Variants in WLS observed in about 807,000 individuals in gnomAD.
The protein encoded by WLS is protein wntless homolog.
Under a neutral mutation model 62.8 loss-of-function variants are expected in WLS, and 23 were observed. The observed-to-expected ratio is 0.37, with a 90% CI of 0.26 to 0.52. The LOEUF is 0.52. Among genes scored for constraint, WLS ranks in the 20% least tolerant of loss-of-function variants. The probability of loss-of-function intolerance (pLI) is 0.92; values close to 1 mark genes in which losing one functional copy is unlikely to be tolerated. For missense variants in WLS, 615 were observed against 697.3 expected, an observed-to-expected ratio of 0.88 and a Z score of 1.33; for synonymous variants, 246 against 244.1, an observed-to-expected ratio of 1.01 and a Z score of -0.07.
At chr1:68,120,937 T>G (rs12046920), downstream of WLS, among the ~76,000 whole-genome samples, 38,355 of 152,164 alleles carry the variant, frequency 0.25, 4,965 homozygotes, top group East Asian at 0.39. Flanking sequence ...ACCTAACTGG[T>G]GTATGGGAAA....
intron 11 of WLS, among the ~76,000 whole-genome samples, chr1:68,120,035 TAAATG>T (rs59431837): frequency 0.084 from 12,801 of 152,142 alleles, 859 homozygotes; most frequent in East Asian, 0.36. Context: ...GTCCAGATGA[TAAATG>T]AAATTAATAA....
intron 1 of WLS, among the ~76,000 whole-genome samples, chr1:68,196,564 T>C (rs544458610): frequency 8.2e-4 from 124 of 152,108 alleles, no homozygotes; most frequent in Non-Finnish European, 1.4e-3. Flanking sequence ...CTACTTCTAA[T>C]GTTCGAATCC....
chr1:68,098,649 C>T lies in WLS; in HGVS notation c.1615G>A (p.Ala539Thr), dbSNP rs771522633. The change falls in exon 12 of 12, where the codon GCA (alanine) becomes ACA (threonine). Residue 539 changes from alanine (A) to threonine (T), a missense_variant. Transcript: ENST00000354777. ...TTGTTGACTCAAATACCAGAAGCTG[C>T]GTTGTCATTGATGAAGGAATATTTC... is the stretch of plus-strand genomic sequence containing the variant. The T allele has an allele frequency of 1.5e-5, 24 of 1,613,648 alleles. No homozygotes were observed. The Middle Eastern group carries it at 6.6e-4, about 44-fold the overall frequency.
intron 1 of WLS, among the ~76,000 whole-genome samples, chr1:68,220,312 TAAAC>T (rs1361775609): frequency 1.3e-5 from 2 of 152,170 alleles, no homozygotes; most frequent in Non-Finnish European, 2.9e-5. Flanking sequence ...GACTCCAGAA[TAAAC>T]AAACAAACAG....
intron 1 of WLS, among the ~76,000 whole-genome samples, chr1:68,226,781 A>G (rs140589466): frequency 7.9e-5 from 12 of 152,354 alleles, no homozygotes; most frequent in Admixed American, 2.6e-4. Flanking sequence ...GGCAAGTAGC[A>G]CACAGGAGTT....
intron 10 of WLS, among the ~76,000 whole-genome samples, chr1:68,139,584 C>T (rs1282158721): frequency 6.6e-6 from 1 of 152,154 alleles, no homozygotes; most frequent in South Asian, 2.1e-4. Context: ...AGGCAGTGGA[C>T]CCTTCAGCTC....
chr1:68,191,141 G>T (rs1476719639), intron 2 of WLS, among the ~76,000 whole-genome samples: 1 of 151,926 alleles, frequency 6.6e-6, no homozygotes, highest in East Asian at 1.9e-4. Context: ...AATACAGTCA[G>T]TAGACAGTAA....
Position 68,162,971 on chromosome 1 carries a change from G to A in WLS, c.380-3724C>T, listed in dbSNP as rs796458895. On this transcript the variant is annotated intron_variant, in intron 2 of 11. Transcript: ENST00000262348. The stretch of plus-strand genomic sequence containing the variant: ...GCATCTCCACAGTGCAGTCGCGGCC[G>A]TCCAGCAGCGCCACCAGGGGGCAGG... 16 of 1,594,040 alleles carry A rather than the reference G, an allele frequency of 1.0e-5. No individual in the cohort carries two copies. The African/African-American group carries it at 1.9e-4, about 19-fold the overall frequency.
downstream of WLS, among the ~76,000 whole-genome samples, chr1:68,124,952 C>T (rs1272592138): frequency 6.6e-6 from 1 of 152,202 alleles, no homozygotes; most frequent in African/African-American, 2.4e-5. Flanking sequence ...ACTGTGACCC[C>T]AGTAAGCAGT....
intron 1 of WLS, among the ~76,000 whole-genome samples, chr1:68,195,730 T>G (rs1231275352): frequency 6.6e-6 from 1 of 152,216 alleles, no homozygotes; most frequent in Non-Finnish European, 1.5e-5. Context: ...CCCCCATGCT[T>G]TTGTGTTTAG....
chr1:68,107,836 CAG>C (rs1353816756), intron 11 of WLS, among the ~76,000 whole-genome samples: 2 of 152,058 alleles, frequency 1.3e-5, no homozygotes, highest in Non-Finnish European at 2.9e-5. Flanking sequence ...AGCGGCAGCA[CAG>C]AGATTCAGAC....
intron 3 of WLS, among the ~76,000 whole-genome samples, 167 bp from the exon 4 acceptor site, chr1:68,155,427 C>T (rs1646883202): frequency 6.6e-6 from 1 of 152,148 alleles, no homozygotes; most frequent in Non-Finnish European, 1.5e-5. Context: ...GTCTACCCAG[C>T]TATCCCAACC....
At chr1:68,144,721 TA>T (rs1357209555) in intron 9 of WLS, 69 bp from the exon 10 acceptor site, 3 of 1,279,264 alleles carry the variant, frequency 2.3e-6, no homozygotes, top group Non-Finnish European at 3.3e-6. Context: ...TGTAAATCTA[TA>T]AAAAGCTTAA....
In WLS at chr1:68,157,432, T is replaced by C. The variant is rs1646914620; in HGVS notation, c.504+1691A>G. On this transcript the variant is annotated intron_variant, in intron 3 of 11. Transcript: ENST00000262348. ...TTCGTTGTATCCTGTTAGAGACTTT[T>C]CTTCATGCACTAAAGTCCTGCCTCT... Among the ~76,000 whole-genome samples the C allele has an allele frequency of 2.0e-5, 3 of 152,332 alleles. 1 individual carries two copies. Among genetic ancestry groups the C allele is most frequent in the Non-Finnish European group, 4.4e-5 (3 of 68,036 alleles).
downstream of WLS, among the ~76,000 whole-genome samples, chr1:68,120,438 A>G (rs766947427): frequency 3.9e-5 from 6 of 152,212 alleles, no homozygotes; most frequent in Non-Finnish European, 8.8e-5. Flanking sequence ...GGTTCTAGTG[A>G]GAGTTGCAGC....
intron 11 of WLS, among the ~76,000 whole-genome samples, chr1:68,134,949 GC>G (rs1646583851): frequency 6.6e-6 from 1 of 152,204 alleles, no homozygotes; most frequent in Admixed American, 6.5e-5. Context: ...TCCTGCCTCT[GC>G]AGGGTTGGCC....
chr1:68,110,460 ATAT>A (rs34936366), intron 11 of WLS, among the ~76,000 whole-genome samples: 70,231 of 151,306 alleles, frequency 0.46, 16,499 homozygotes, highest in Middle Eastern at 0.53. Context: ...TTTCAGTGAC[ATAT>A]TATTATTGCA....
At chr1:68,148,045 T>G in intron 8 of WLS, 91 bp downstream of exon 8, 1 of 1,337,148 alleles carries the variant, frequency 7.5e-7, no homozygotes, top group Non-Finnish European at 1.1e-6. Context: ...TGAGTACATA[T>G]GGGGAGCATC....
chr1:68,138,079 T>C, intron 10 of WLS, 146 bp from the exon 11 acceptor site: 2 of 917,252 alleles, frequency 2.2e-6, no homozygotes, highest in Non-Finnish European at 3.2e-6. Context: ...CATCTTTTAA[T>C]CTGAATCATT....
Sources: allele counts gnomAD v4.1 joint callset (sites outside exome capture counted in the v4.1 genomes callset), GRCh38; gene constraint gnomAD v4.1.1; transcripts MANE v1.5; gene names NCBI Gene and HGNC (gene_info 2026-07-23, HGNC 2026-07-21).